Variants in CPA6 observed in about 807,000 individuals in gnomAD.
CPA6 encodes carboxypeptidase B.
A neutral mutation model predicts 63.3 loss-of-function variants in CPA6; 58 were observed. That is an observed-to-expected ratio of 0.92 (90% confidence interval 0.74 to 1.14). CPA6 has a LOEUF of 1.14. Ranked by LOEUF, CPA6 falls within the 50% of genes most tolerant of loss-of-function variation. CPA6 has a pLI of 0.00. For synonymous variants in CPA6, 185 were observed against 179.0 expected (o/e 1.03, Z -0.27); for missense variants, 565 against 526.6 (o/e 1.07, Z -0.71).
At chr8:67,632,147 GCTGT>G (rs1286546634) in intron 1 of CPA6, among the ~76,000 whole-genome samples, 1 of 91,518 alleles carries the variant, frequency 1.1e-5, no homozygotes, top group African/African-American at 5.7e-5. Context: ...AAAAAATGAT[GCTGT>G]GTGTGTGTGT....
chr8:67,475,447 T>A (rs1811151599), intron 8 of CPA6, among the ~76,000 whole-genome samples: 1 of 152,234 alleles, frequency 6.6e-6, no homozygotes. Flanking sequence ...GAAAACAATG[T>A]AAATACACGG....
intron 2 of CPA6, among the ~76,000 whole-genome samples, chr8:67,610,021 CAACAA>C (rs112893898): frequency 0.06 from 8,994 of 149,094 alleles, 460 homozygotes; most frequent in African/African-American, 0.14. Context: ...GACTCCGTCT[CAACAA>C]AACAAAACAA....
chr8:67,438,966 T>C (rs1176278745), intron 8 of CPA6, among the ~76,000 whole-genome samples: 1 of 151,916 alleles, frequency 6.6e-6, no homozygotes, highest in African/African-American at 2.4e-5. Flanking sequence ...TTTTGAACCA[T>C]TTAATAGAAA....
chr8:67,605,128 T>C (rs1380095829), intron 2 of CPA6, among the ~76,000 whole-genome samples: 28 of 150,536 alleles, frequency 1.9e-4, no homozygotes, highest in Admixed American at 1.8e-3. Flanking sequence ...ACCTAATAAC[T>C]CTCTCTGAGC....
chr8:67,458,843 G>A (rs532330519), intron 8 of CPA6, among the ~76,000 whole-genome samples: 159 of 152,298 alleles, frequency 1.0e-3, no homozygotes, highest in Non-Finnish European at 2.0e-3. Context: ...AAAACAAGAT[G>A]CCACTACACA....
intron 2 of CPA6, among the ~76,000 whole-genome samples, chr8:67,613,405 T>C (rs998652637): frequency 6.6e-6 from 1 of 152,226 alleles, no homozygotes; most frequent in African/African-American, 2.4e-5. Context: ...GAAACAAAGA[T>C]GAGTCAGACA....
chr8:67,435,972 A>C (rs1810142729), intron 8 of CPA6, among the ~76,000 whole-genome samples: 1 of 151,352 alleles, frequency 6.6e-6, no homozygotes, highest in Admixed American at 6.6e-5. Flanking sequence ...CTCTGGCACA[A>C]GGGGAGCCCC....
At position 67,746,111 on chromosome 8, in the gene CPA6, G is replaced by T. The variant is rs138360068; in HGVS notation, c.19C>A (p.Arg7Ser). The T allele has an allele frequency of 1.9e-6, 3 of 1,613,368 alleles. No homozygotes were observed. In the African/African-American group the frequency reaches 4.0e-5, roughly 22 times the overall value. ...AGGAAAGCAGCTGCCTGGCCCCTGC[G>T]CTTCCCGAGACACTTCATAGTGTTA... MKCLGKRRGQAAAFLPL... is the reference protein window; with the variant it reads MKCLGKSRGQAAAFLPL... The change falls in exon 1 of 11, where the codon CGC (arginine) becomes AGC (serine). Residue 7 changes from arginine to serine, a missense_variant. Coordinates refer to ENST00000297770, the MANE Select transcript of CPA6 (RefSeq NM_020361.5).
chr8:67,633,893 A>C (rs928728279), intron 1 of CPA6, among the ~76,000 whole-genome samples: 1 of 100,818 alleles, frequency 9.9e-6, no homozygotes. Context: ...TCTCCCCCCA[A>C]ATGTTTTCCT....
intron 2 of CPA6, among the ~76,000 whole-genome samples, chr8:67,571,768 T>C (rs1813491798): frequency 6.6e-6 from 1 of 151,698 alleles, no homozygotes; most frequent in Non-Finnish European, 1.5e-5. Flanking sequence ...CAATCTAATA[T>C]CACATCTAAA....
At chr8:67,743,360 A>AAT (rs1397622498) in intron 1 of CPA6, among the ~76,000 whole-genome samples, 3 of 152,172 alleles carry the variant, frequency 2.0e-5, no homozygotes, top group Admixed American at 6.6e-5. Context: ...CTATATACCC[A>AAT]ATATATATTT....
intron 1 of CPA6, among the ~76,000 whole-genome samples, chr8:67,713,341 G>C (rs1264887452): frequency 6.6e-6 from 1 of 151,828 alleles, no homozygotes; most frequent in African/African-American, 2.4e-5. Context: ...GTGGATAAGT[G>C]GGGGTGACTA....
chr8:67,647,923 C>T (rs1437738110), intron 1 of CPA6, among the ~76,000 whole-genome samples: 1 of 152,104 alleles, frequency 6.6e-6, no homozygotes, highest in Non-Finnish European at 1.5e-5. Context: ...CTCCATTTTC[C>T]CTAAGAAGTA....
At chr8:67,525,354 C>T (rs910346587) in intron 2 of CPA6, among the ~76,000 whole-genome samples, 6 of 152,014 alleles carry the variant, frequency 3.9e-5, no homozygotes, top group East Asian at 1.9e-4. Context: ...ACTAATTAGG[C>T]GTTGAAATAA....
At chr8:67,742,592 A>C (rs1357793677) in intron 1 of CPA6, among the ~76,000 whole-genome samples, 2 of 152,218 alleles carry the variant, frequency 1.3e-5, no homozygotes, top group African/African-American at 2.4e-5. Flanking sequence ...AGTCTTGGTA[A>C]GTATTTTACT....
At chr8:67,588,622 T>C (rs1814013921) in intron 2 of CPA6, among the ~76,000 whole-genome samples, 1 of 152,168 alleles carries the variant, frequency 6.6e-6, no homozygotes, top group Admixed American at 6.5e-5. Context: ...ATATAAACTA[T>C]ACTTTAAAAA....
In CPA6 at chr8:67,511,584, G is replaced by A; in HGVS notation, c.389C>T (p.Ser130Phe). 1 of 1,611,290 alleles carries A rather than the reference G, an allele frequency of 6.2e-7. No homozygotes were observed. The highest frequency in any genetic ancestry group is 8.5e-7 in the Non-Finnish European group (1 of 1,177,586). ...SSLHTQRNRR[S>F]LSGYNYEVYH... ...AACTTCATAATTATATCCAGAGAGG[G>A]ATCTTCGGTTTCTCTGGGTGTGCAA... Residue 130 changes from serine to phenylalanine, a missense_variant, in exon 4 of 11, where the codon TCC becomes TTC. Ser to Phe is a radical substitution (Grantham distance 155, BLOSUM62 -2). Transcript: ENST00000297770.
At chr8:67,542,524 A>G (rs1812728165) in intron 2 of CPA6, among the ~76,000 whole-genome samples, 1 of 152,220 alleles carries the variant, frequency 6.6e-6, no homozygotes, top group Admixed American at 6.5e-5. Context: ...TCAAATCTGT[A>G]CACATGCTTT....
chr8:67,471,596 G>A (rs142300128), intron 8 of CPA6, among the ~76,000 whole-genome samples: 156 of 152,096 alleles, frequency 1.0e-3, no homozygotes, highest in African/African-American at 3.5e-3. Flanking sequence ...GGGAAATGCT[G>A]TTCTGCAAGA....
Sources: allele counts gnomAD v4.1 joint callset (sites outside exome capture counted in the v4.1 genomes callset), GRCh38; gene constraint gnomAD v4.1.1; transcripts MANE v1.5; gene names NCBI Gene and HGNC (gene_info 2026-07-23, HGNC 2026-07-21).